Variants in CBFA2T2 observed in about 807,000 individuals in gnomAD.
CBFA2T2 encodes the protein CBFA2/RUNX1 partner transcriptional co-repressor 2.
In CBFA2T2, 11 loss-of-function variants were observed where a neutral mutation model predicts 62.2. That is an observed-to-expected ratio of 0.18 (90% CI 0.11 to 0.29). The LOEUF is 0.29. Among genes scored for constraint, CBFA2T2 ranks in the 10% least tolerant of loss-of-function variants. CBFA2T2 has a pLI of 1.00. For synonymous variants in CBFA2T2, 295 were observed against 287.5 expected (o/e 1.03, Z -0.27); for missense variants, 592 against 774.1 (o/e 0.76, Z 2.79).
intron 3 of CBFA2T2, among the ~76,000 whole-genome samples, chr20:33,614,152 TC>T (rs2015623393): frequency 1.3e-5 from 2 of 152,142 alleles, no homozygotes; most frequent in Non-Finnish European, 2.9e-5. Flanking sequence ...AAAATTTGAA[TC>T]TTTTTTTAGT....
At chr20:33,556,032 A>C (rs764052189) in intron 1 of CBFA2T2, among the ~76,000 whole-genome samples, 1 of 152,034 alleles carries the variant, frequency 6.6e-6, no homozygotes, top group Non-Finnish European at 1.5e-5. Context: ...TGCCTGGCTA[A>C]TTTTTTTTAC....
intron 3 of CBFA2T2, chr20:33,618,469 C>T (rs973367906): frequency 6.6e-6 from 1 of 151,740 alleles, no homozygotes; most frequent in African/African-American, 2.4e-5. Context: ...AGTCTCATTC[C>T]TAATTTGAGG....
chr20:33,638,527 G>A (rs1211853375), intron 9 of CBFA2T2, among the ~76,000 whole-genome samples: 1 of 152,118 alleles, frequency 6.6e-6, no homozygotes, highest in Non-Finnish European at 1.5e-5. Flanking sequence ...TCAATAAGAG[G>A]CATCTGATAA....
intron 5 of CBFA2T2, among the ~76,000 whole-genome samples, chr20:33,623,563 T>C (rs533571491): frequency 7.2e-5 from 6 of 83,452 alleles, no homozygotes; most frequent in Admixed American, 6.1e-4. Flanking sequence ...CAGCTAATGT[T>C]TGTTTGTTTG....
intron 1 of CBFA2T2, among the ~76,000 whole-genome samples, chr20:33,597,851 C>T (rs1166322544): frequency 6.6e-6 from 1 of 152,052 alleles, no homozygotes; most frequent in African/African-American, 2.4e-5. Flanking sequence ...GGGAATCTGC[C>T]CCAATATTCA....
At chr20:33,550,306 T>C (rs1484482185) in intron 1 of CBFA2T2, among the ~76,000 whole-genome samples, 1 of 152,190 alleles carries the variant, frequency 6.6e-6, no homozygotes, top group Non-Finnish European at 1.5e-5. Context: ...TAAAAAATTC[T>C]TGAAGACAGC....
intron 1 of CBFA2T2, among the ~76,000 whole-genome samples, chr20:33,553,590 C>A (rs921335625): frequency 6.6e-6 from 1 of 152,158 alleles, no homozygotes; most frequent in African/African-American, 2.4e-5. Flanking sequence ...GTGGGCCACA[C>A]GATCTCTGTC....
chr20:33,500,252 G>A (rs2011256295), intron 1 of CBFA2T2, among the ~76,000 whole-genome samples: 1 of 151,976 alleles, frequency 6.6e-6, no homozygotes. Flanking sequence ...ACTGCGCCCA[G>A]CCAAAAACCC....
At chr20:33,586,234 A>C (rs769780610) in intron 1 of CBFA2T2, among the ~76,000 whole-genome samples, 2 of 152,138 alleles carry the variant, frequency 1.3e-5, no homozygotes, top group Non-Finnish European at 2.9e-5. Context: ...GCTGGAGTGC[A>C]GTGGCACAAT....
chr20:33,607,812 A>G (rs1194355812), intron 2 of CBFA2T2, among the ~76,000 whole-genome samples: 3 of 152,222 alleles, frequency 2.0e-5, no homozygotes, highest in African/African-American at 4.8e-5. Context: ...CTGAGGTACA[A>G]GGGGTAAGAC....
chr20:33,581,200 A>G (rs1280594857), intron 1 of CBFA2T2, among the ~76,000 whole-genome samples: 2 of 151,928 alleles, frequency 1.3e-5, no homozygotes, highest in African/African-American at 2.4e-5. Flanking sequence ...CTGGGATTAC[A>G]GGCACACGCC....
intron 1 of CBFA2T2, among the ~76,000 whole-genome samples, chr20:33,573,124 G>C (rs6059377): frequency 1.3e-5 from 2 of 152,148 alleles, no homozygotes; most frequent in Non-Finnish European, 2.9e-5. Context: ...CTGTGTGCTA[G>C]GCATTATTCT....
chr20:33,595,523 C>T (rs985948756), intron 1 of CBFA2T2, among the ~76,000 whole-genome samples: 10 of 150,972 alleles, frequency 6.6e-5, no homozygotes, highest in Admixed American at 1.3e-4. Context: ...AAATCTTATA[C>T]GGTACTTGTT....
intron 1 of CBFA2T2, among the ~76,000 whole-genome samples, chr20:33,531,373 C>A (rs1237426444): frequency 6.6e-6 from 1 of 152,184 alleles, no homozygotes; most frequent in Non-Finnish European, 1.5e-5. Context: ...CAAATGCTGT[C>A]ATTTAGGCCA....
chr20:33,625,576 CTGTT>C (rs151253447), intron 6 of CBFA2T2, among the ~76,000 whole-genome samples: 41 of 152,328 alleles, frequency 2.7e-4, no homozygotes, highest in African/African-American at 9.1e-4. Flanking sequence ...TTTGAGAACT[CTGTT>C]TGAAGATATG....
chr20:33,558,178 CTGGAGTGCAG>C (rs2012969541), intron 1 of CBFA2T2, among the ~76,000 whole-genome samples: 1 of 151,460 alleles, frequency 6.6e-6, no homozygotes, highest in Non-Finnish European at 1.5e-5. Context: ...CTCGCTCAGG[CTGGAGTGCAG>C]TGGTGCGATC....
intron 1 of CBFA2T2, among the ~76,000 whole-genome samples, chr20:33,528,945 G>T (rs1229591102): frequency 2.6e-5 from 4 of 152,172 alleles, no homozygotes; most frequent in Non-Finnish European, 4.4e-5. Flanking sequence ...GCCACCAATT[G>T]GCTGGTGTGA....
chr20:33,578,962 A>G (rs1210263199), intron 1 of CBFA2T2, among the ~76,000 whole-genome samples: 1 of 152,190 alleles, frequency 6.6e-6, no homozygotes, highest in Non-Finnish European at 1.5e-5. Context: ...AGATGCCGTA[A>G]CATGTACATG....
intron 10 of CBFA2T2, 47 bp downstream of exon 10, chr20:33,640,578 C>T: frequency 2.6e-6 from 4 of 1,561,884 alleles, no homozygotes; most frequent in Non-Finnish European, 3.5e-6. Flanking sequence ...CTGGAGTGAC[C>T]ACGCCCGCTG....
Sources: allele counts gnomAD v4.1 joint callset (sites outside exome capture counted in the v4.1 genomes callset), GRCh38; gene constraint gnomAD v4.1.1; transcripts MANE v1.5; gene names NCBI Gene and HGNC (gene_info 2026-07-23, HGNC 2026-07-21).